The following PPP2R2C variants were observed in gnomAD, a reference collection of about 807,000 sequenced individuals.
PPP2R2C encodes protein phosphatase 2 regulatory subunit Bgamma.
In PPP2R2C, 10 loss-of-function variants were observed where a neutral mutation model predicts 45.3. The ratio of observed to expected loss-of-function variants is 0.22; its 90% CI spans 0.14 to 0.37. The LOEUF is 0.37. PPP2R2C is among the 10% of genes least tolerant of loss of function. The pLI is 1.00. For missense variants in PPP2R2C, 308 were observed against 619.7 expected, an observed-to-expected ratio of 0.50 and a Z score of 5.34; for synonymous variants, 257 against 245.4, an observed-to-expected ratio of 1.05 and a Z score of -0.44.
intron 5 of PPP2R2C, chr4:6,351,257 G>T: frequency 1.8e-6 from 1 of 567,414 alleles, no homozygotes; most frequent in Non-Finnish European, 2.2e-6. Flanking sequence ...AGGTTGCAGT[G>T]AGCTGAGATC....
intron 3 of PPP2R2C, among the ~76,000 whole-genome samples, chr4:6,377,453 C>T (rs1045269580): frequency 2.0e-5 from 3 of 152,022 alleles, no homozygotes; most frequent in South Asian, 2.1e-4. Flanking sequence ...GTCAGGAGTT[C>T]GAGATCAACC....
At chr4:6,387,298 C>A (rs1014165762) in intron 1 of PPP2R2C, among the ~76,000 whole-genome samples, 13 of 152,270 alleles carry the variant, frequency 8.5e-5, no homozygotes, top group South Asian at 6.2e-4. Context: ...TACCCAGGTA[C>A]ATCCTGGTCA....
intron 1 of PPP2R2C, among the ~76,000 whole-genome samples, chr4:6,452,655 T>C (rs1720801028): frequency 6.6e-6 from 1 of 152,224 alleles, no homozygotes; most frequent in African/African-American, 2.4e-5. Flanking sequence ...CATGTGGCCA[T>C]GCCTATGTAG....
At chr4:6,414,829 C>T (rs1459115270) in intron 1 of PPP2R2C, among the ~76,000 whole-genome samples, 1 of 152,134 alleles carries the variant, frequency 6.6e-6, no homozygotes. Context: ...CTCTGAGCTT[C>T]AGGGGCCTCA....
rs1731771158 is a variant in PPP2R2C at position 6,324,336 on chromosome 4, GC to G, written c.1053-744del. On this transcript the variant is annotated intron_variant, in intron 8 of 8. Coordinates refer to ENST00000382599, the MANE Select transcript of PPP2R2C (RefSeq NM_020416.4). The surrounding 1 kb of genome is among the most constrained non-coding windows in gnomAD (Gnocchi z 4.1). ...AATCCCAGCTACTCAGGAGGCTGAG[GC>G]AGGAGAGTTGCTTGAATCCAGGAGG... 6.6e-6 allele frequency among the ~76,000 whole-genome samples: 1 copy of G among 152,190 alleles called. No homozygotes were observed. Among genetic ancestry groups the G allele is most frequent in the Non-Finnish European group, 1.5e-5 (1 of 68,034 alleles).
chr4:6,537,574 G>A (rs1320793589), intron 1 of PPP2R2C, among the ~76,000 whole-genome samples: 1 of 143,782 alleles, frequency 7.0e-6, no homozygotes, highest in Non-Finnish European at 1.5e-5. Context: ...TTTTGGAGAT[G>A]GAGTCTTGCT....
chr4:6,481,422 C>G (rs1273774335), intron 2 of PPP2R2C, among the ~76,000 whole-genome samples: 3 of 152,174 alleles, frequency 2.0e-5, no homozygotes, highest in African/African-American at 4.8e-5. Context: ...CCATCCTTTT[C>G]CCACTGATTT....
At chr4:6,446,277 C>T (rs1256046527) in intron 1 of PPP2R2C, among the ~76,000 whole-genome samples, 3 of 152,172 alleles carry the variant, frequency 2.0e-5, no homozygotes, top group Non-Finnish European at 2.9e-5. Flanking sequence ...CTTCCCTCCC[C>T]CACACCGACA....
intron 1 of PPP2R2C, among the ~76,000 whole-genome samples, chr4:6,539,669 G>A (rs1724744024): frequency 6.6e-6 from 1 of 152,222 alleles, no homozygotes; most frequent in Non-Finnish European, 1.5e-5. Flanking sequence ...ACCAGGCAGT[G>A]GTCAAGGGTG....
chr4:6,483,456 A>G (rs1349207720), intron 2 of PPP2R2C, among the ~76,000 whole-genome samples: 1 of 152,108 alleles, frequency 6.6e-6, no homozygotes, highest in Non-Finnish European at 1.5e-5. Context: ...AGCCTTTTTA[A>G]TGATAGCCAT....
chr4:6,448,187 C>G (rs1720534755), intron 1 of PPP2R2C, among the ~76,000 whole-genome samples: 1 of 152,170 alleles, frequency 6.6e-6, no homozygotes, highest in South Asian at 2.1e-4. Context: ...CGTCAAAGCC[C>G]TTTGCATCGT....
intron 1 of PPP2R2C, among the ~76,000 whole-genome samples, chr4:6,403,625 G>A (rs1717593440): frequency 6.6e-6 from 1 of 152,138 alleles, no homozygotes; most frequent in South Asian, 2.1e-4. Context: ...CAACCTGGGA[G>A]GACGAGGCAG....
upstream of PPP2R2C, among the ~76,000 whole-genome samples, chr4:6,474,489 T>G (rs1456646105): frequency 2.6e-5 from 4 of 152,086 alleles, no homozygotes; most frequent in African/African-American, 9.7e-5. Flanking sequence ...TCTCTGATCA[T>G]GGAGAAGTCC....
chr4:6,520,158 G>T (rs536270882), intron 2 of PPP2R2C, among the ~76,000 whole-genome samples: 2 of 152,056 alleles, frequency 1.3e-5, no homozygotes, highest in East Asian at 1.9e-4. Flanking sequence ...GAAGGGGTAC[G>T]CTGGGGAGTT....
At chr4:6,478,309 C>T (rs989565742) in intron 2 of PPP2R2C, among the ~76,000 whole-genome samples, 1 of 152,240 alleles carries the variant, frequency 6.6e-6, no homozygotes, top group African/African-American at 2.4e-5. Context: ...GGTAGATTCG[C>T]ACTTTCCCAT....
chr4:6,425,307 A>G (rs1413123229), intron 1 of PPP2R2C, among the ~76,000 whole-genome samples: 1 of 152,154 alleles, frequency 6.6e-6, no homozygotes, highest in African/African-American at 2.4e-5. Context: ...TAAGAGCCCA[A>G]TTGCTAGCCA....
chr4:6,511,516 GTGGTGGTGA>G lies in PPP2R2C; in HGVS notation c.49+23746_49+23754del, dbSNP rs1560593794. ...GGTGATGGCGGTGATGGTGGTGGTG[GTGGTGGTGA>G]TGGTGGTGGTGGTGGTGGTGATGGT... On this transcript the variant is annotated intron_variant, in intron 2 of 9. Coordinates refer to the PPP2R2C transcript ENST00000506140. Among the ~76,000 whole-genome samples the G allele has an allele frequency of 2.8e-3, 50 of 18,044 alleles. 1 individual carries two copies. The highest frequency in any genetic ancestry group is 5.1e-3 in the African/African-American group (40 of 7,770). The allele number at this position is 18,044 out of a possible 152,430, so 11.8% of individuals were successfully genotyped here.
At chr4:6,547,626 C>G (rs2108837039) in intron 1 of PPP2R2C, among the ~76,000 whole-genome samples, 1 of 152,212 alleles carries the variant, frequency 6.6e-6, no homozygotes, top group Admixed American at 6.5e-5. Context: ...CCAGGGACAC[C>G]ACAGGGAAGC....
At chr4:6,361,023 T>G (rs1713684403) in intron 5 of PPP2R2C, among the ~76,000 whole-genome samples, 1 of 152,200 alleles carries the variant, frequency 6.6e-6, no homozygotes, top group South Asian at 2.1e-4. Context: ...TATTTTAACT[T>G]AATTACCCCT....
Sources: gnomAD v4.1 joint callset for allele counts (sites outside exome capture counted in the v4.1 genomes callset) on GRCh38, gnomAD v4.1.1 for gene constraint, Gnocchi (gnomAD v3.1) non-coding constraint, MANE v1.5 for transcripts, NCBI Gene and HGNC (gene_info 2026-07-23, HGNC 2026-07-21) for gene names.